The following ALDH3B2 variants were observed in gnomAD, a reference collection of about 807,000 sequenced individuals.
ALDH3B2 encodes the protein aldehyde dehydrogenase 3 family member B2.
In ALDH3B2, 45 loss-of-function variants were observed where a neutral mutation model predicts 36.7. The observed-to-expected ratio is 1.23, with a 90% CI of 0.97 to 1.57. ALDH3B2 has a LOEUF of 1.57. ALDH3B2 is among the 40% of genes most tolerant of loss of function. ALDH3B2 has a pLI of 0.00. For missense variants in ALDH3B2, 464 were observed against 513.3 expected (o/e 0.90, Z 0.93); for synonymous variants, 217 against 226.5 (o/e 0.96, Z 0.38).
intron 6 of ALDH3B2, 79 bp from the exon 7 acceptor site, chr11:67,665,750 C>A: frequency 6.6e-7 from 1 of 1,524,278 alleles, no homozygotes; most frequent in South Asian, 1.3e-5. Flanking sequence ...CCTGCTCCTC[C>A]CTGGAGAGGT....
chr11:67,669,962 C>G (rs6591271), intron 1 of ALDH3B2, among the ~76,000 whole-genome samples: 2 of 79,804 alleles, frequency 2.5e-5, no homozygotes, highest in Non-Finnish European at 2.6e-5. Context: ...CCACGTGTGT[C>G]TGTGTGTGTA....
intron 2 of ALDH3B2, 150 bp from the exon 3 acceptor site, chr11:67,667,166 A>G (rs1297092890): frequency 5.0e-6 from 3 of 600,100 alleles, no homozygotes; most frequent in African/African-American, 3.7e-5. Context: ...GGAACTGCGC[A>G]TGGCTGCAAT....
At chr11:67,664,557 T>G (rs775460501) in exon 8 of ALDH3B2, 1 of 1,613,094 alleles carries the variant, frequency 6.2e-7, no homozygotes, top group Admixed American at 1.7e-5. Flanking sequence ...ACCAGCACCG[T>G]GGGGGCTGCG....
chr11:67,679,946 G>T (rs1258164740), intron 1 of ALDH3B2, among the ~76,000 whole-genome samples: 1 of 152,138 alleles, frequency 6.6e-6, no homozygotes, highest in Non-Finnish European at 1.5e-5. Flanking sequence ...CTTATTACTA[G>T]ATTCCAGCCC....
intron 2 of ALDH3B2, 139 bp from the exon 3 acceptor site, chr11:67,667,155 G>A (rs960384963): frequency 4.9e-6 from 3 of 608,112 alleles, no homozygotes; most frequent in African/African-American, 1.8e-5. Context: ...GCCGTCCCCT[G>A]GGAACTGCGC....
intron 7 of ALDH3B2, 112 bp from the exon 8 acceptor site, chr11:67,664,674 G>A (rs749227316): frequency 3.1e-5 from 44 of 1,436,502 alleles, no homozygotes; most frequent in Non-Finnish European, 4.0e-5. Flanking sequence ...AGGATCCCAA[G>A]GTCTGACTTC....
At position 67,666,236 on chromosome 11, in the gene ALDH3B2, T is replaced by C. The variant is rs545114210; in HGVS notation, c.238-33A>G. On this transcript the variant is annotated intron_variant, in intron 5 of 9. Transcript: ENST00000349015. ...GTGGAATGAGAGGCTCGGGGCGGGC[T>C]CGGGGCCAGCCGGGCCTCCTCAGCC... 434 of 1,460,366 alleles carry C rather than the reference T, an allele frequency of 3.0e-4. 2 individuals are homozygous for C. In the African/African-American group the frequency reaches 7.6e-3, roughly 26 times the overall value. The allele number at this position is 1,460,366 out of a possible 1,614,324, so 90.5% of individuals were successfully genotyped here. A position where few individuals can be genotyped will look rare whatever the true frequency, so the allele number is the denominator to read the frequency against.
At chr11:67,664,269 C>T in intron 8 of ALDH3B2, 127 bp downstream of exon 8, 3 of 1,444,662 alleles carry the variant, frequency 2.1e-6, no homozygotes, top group Non-Finnish European at 2.8e-6. Context: ...TACCAGGTGG[C>T]CTAGATATAG....
chr11:67,663,155 A>C (rs542726838), exon 10 of ALDH3B2: 1 of 1,523,788 alleles, frequency 6.6e-7, no homozygotes, highest in South Asian at 1.3e-5. Flanking sequence ...TTGGGAGCAT[A>C]AGCCCCTCAT....
upstream of ALDH3B2, among the ~76,000 whole-genome samples, chr11:67,676,040 G>A (rs1383276829): frequency 6.6e-6 from 1 of 152,166 alleles, no homozygotes; most frequent in African/African-American, 2.4e-5. Context: ...GAGGTTAGGA[G>A]TTCCAGAACA....
chr11:67,663,721 A>C (rs1230204554), exon 9 of ALDH3B2: 3 of 1,612,846 alleles, frequency 1.9e-6, no homozygotes, highest in South Asian at 1.1e-5. Context: ...ATTGCCTCCA[A>C]AGCTGCCGCT....
intron 1 of ALDH3B2, among the ~76,000 whole-genome samples, chr11:67,669,318 G>A (rs1395273606): frequency 6.6e-6 from 1 of 150,566 alleles, no homozygotes; most frequent in African/African-American, 2.5e-5. Context: ...GTCTGTATGG[G>A]TGTCTGTGTA....
At chr11:67,675,668 A>G (rs1350543931), upstream of ALDH3B2, among the ~76,000 whole-genome samples, 2 of 152,210 alleles carry the variant, frequency 1.3e-5, no homozygotes, top group African/African-American at 4.8e-5. Context: ...TTCGGTAGCT[A>G]AAGATGTAAA....
At chr11:67,674,078 G>T (rs1459509199) in intron 1 of ALDH3B2, among the ~76,000 whole-genome samples, 1 of 152,114 alleles carries the variant, frequency 6.6e-6, no homozygotes, top group African/African-American at 2.4e-5. Flanking sequence ...TGGTGCCCCC[G>T]ACCCAATCCT....
exon 7 of ALDH3B2, chr11:67,665,658 C>G (rs1284598460): frequency 6.2e-7 from 1 of 1,609,178 alleles, no homozygotes; most frequent in Admixed American, 1.7e-5. Flanking sequence ...CAATCTTGCC[C>G]ACACGAGGGC....
chr11:67,664,542 C>A (rs374568776), exon 8 of ALDH3B2: 1 of 1,613,626 alleles, frequency 6.2e-7, no homozygotes, highest in Non-Finnish European at 8.5e-7. Flanking sequence ...GTCTCCTGCA[C>A]GTCCACCAGC....
At chr11:67,677,711 C>G (rs1171834945), upstream of ALDH3B2, among the ~76,000 whole-genome samples, 3 of 152,114 alleles carry the variant, frequency 2.0e-5, no homozygotes, top group Admixed American at 6.5e-5. Flanking sequence ...ACCCTGAGGA[C>G]TCCTCCAGAA....
chr11:67,669,416 A>T (rs1358173862), intron 1 of ALDH3B2, among the ~76,000 whole-genome samples: 1 of 101,402 alleles, frequency 9.9e-6, no homozygotes, highest in Non-Finnish European at 2.0e-5. Flanking sequence ...TGGGTGCTGT[A>T]TGTGTGTGGG....
upstream of ALDH3B2, among the ~76,000 whole-genome samples, chr11:67,675,299 G>C (rs1190234808): frequency 1.3e-5 from 2 of 152,214 alleles, no homozygotes; most frequent in Non-Finnish European, 2.9e-5. Flanking sequence ...GTTCTTGAGA[G>C]GGTCACAGAG....
Sources: allele counts gnomAD v4.1 joint callset (sites outside exome capture counted in the v4.1 genomes callset), GRCh38; gene constraint gnomAD v4.1.1; transcripts MANE v1.5; gene names NCBI Gene and HGNC (gene_info 2026-07-23, HGNC 2026-07-21).